FRMD3: variants seen among roughly 807,000 people sequenced by gnomAD.
FRMD3 encodes the protein FERM domain-containing protein 3.
In FRMD3, 33 loss-of-function variants were observed where a neutral mutation model predicts 70.2. That is an observed-to-expected ratio of 0.47 (90% confidence interval 0.36 to 0.63). The LOEUF (loss-of-function observed/expected upper bound fraction) is 0.63, where lower values mean the gene tolerates loss of function less well. FRMD3 is among the 20% of genes least tolerant of loss of function. The pLI, the probability that FRMD3 is intolerant of heterozygous loss-of-function variation, is 0.00. For missense variants in FRMD3, 632 were observed against 711.4 expected (o/e 0.89, Z 1.27); for synonymous variants, 279 against 255.9 (o/e 1.09, Z -0.86).
intron 5 of FRMD3, among the ~76,000 whole-genome samples, chr9:83,336,668 C>A (rs1823590564): frequency 6.8e-6 from 1 of 148,098 alleles, no homozygotes; most frequent in Admixed American, 6.8e-5. Context: ...AAAATAAAAT[C>A]CTAAGCCCCC....
At chr9:83,307,602 A>C (rs1835181051) in intron 10 of FRMD3, among the ~76,000 whole-genome samples, 1 of 152,244 alleles carries the variant, frequency 6.6e-6, no homozygotes, top group Non-Finnish European at 1.5e-5. Flanking sequence ...ATAATAGGTA[A>C]ATCCATAAAA....
At chr9:83,505,232 T>C (rs1829155758) in intron 1 of FRMD3, among the ~76,000 whole-genome samples, 1 of 152,180 alleles carries the variant, frequency 6.6e-6, no homozygotes, top group Non-Finnish European at 1.5e-5. Context: ...TCTTGTAAAA[T>C]ACAATATAAA....
intron 1 of FRMD3, among the ~76,000 whole-genome samples, chr9:83,428,395 T>C (rs979507389): frequency 2.0e-5 from 3 of 151,296 alleles, no homozygotes; most frequent in Non-Finnish European, 4.4e-5. Flanking sequence ...AAAAAGTATG[T>C]TTATAGTAGC....
intron 1 of FRMD3, among the ~76,000 whole-genome samples, chr9:83,498,939 A>G (rs1006966628): frequency 6.6e-6 from 1 of 152,194 alleles, no homozygotes; most frequent in African/African-American, 2.4e-5. Context: ...CCATATGATA[A>G]TAGCTCTTCA....
At chr9:83,453,854 T>C (rs977810459) in intron 1 of FRMD3, among the ~76,000 whole-genome samples, 2 of 151,766 alleles carry the variant, frequency 1.3e-5, no homozygotes, top group Non-Finnish European at 2.9e-5. Context: ...TAGCTGGGAC[T>C]ACAGGCGTCT....
At chr9:83,349,454 C>T (rs1824071883) in intron 4 of FRMD3, among the ~76,000 whole-genome samples, 1 of 152,136 alleles carries the variant, frequency 6.6e-6, no homozygotes, top group Non-Finnish European at 1.5e-5. Context: ...CCATCATAGC[C>T]AGTGCTTTTT....
chr9:83,267,637 T>C (rs1833330749), intron 13 of FRMD3, among the ~76,000 whole-genome samples: 1 of 152,184 alleles, frequency 6.6e-6, no homozygotes, highest in South Asian at 2.1e-4. Flanking sequence ...GCAAAATAAA[T>C]GTATTACAAT....
intron 1 of FRMD3, among the ~76,000 whole-genome samples, chr9:83,411,654 C>T (rs1298184457): frequency 2.6e-5 from 4 of 152,094 alleles, no homozygotes; most frequent in Non-Finnish European, 5.9e-5. Context: ...GCTACAAACC[C>T]GAGTCTCTTC....
At chr9:83,274,197 G>A (rs1833716299) in intron 13 of FRMD3, among the ~76,000 whole-genome samples, 2 of 152,226 alleles carry the variant, frequency 1.3e-5, no homozygotes, top group Admixed American at 6.5e-5. Context: ...GTTCTCAGTG[G>A]AAGCAAATTA....
At chr9:83,374,230 G>A (rs556164815) in intron 2 of FRMD3, among the ~76,000 whole-genome samples, 5 of 151,816 alleles carry the variant, frequency 3.3e-5, no homozygotes, top group Non-Finnish European at 7.4e-5. Context: ...TATTCTTCTC[G>A]GTGAGCACTC....
intron 1 of FRMD3, among the ~76,000 whole-genome samples, chr9:83,489,013 T>TGTGTGTGTGTGTGC (rs1217450240): frequency 1.4e-5 from 2 of 143,258 alleles, no homozygotes; most frequent in South Asian, 4.5e-4. Flanking sequence ...TGTGTGTGTG[T>TGTGTGTGTGTGTGC]GTGCTTGTGT....
chr9:83,304,103 T>C (rs920054467), intron 10 of FRMD3, among the ~76,000 whole-genome samples: 1 of 152,232 alleles, frequency 6.6e-6, no homozygotes, highest in African/African-American at 2.4e-5. Flanking sequence ...TATACCATTG[T>C]ATGGATATAC....
chr9:83,332,537 C>A (rs1353298599), intron 6 of FRMD3, among the ~76,000 whole-genome samples: 1 of 152,044 alleles, frequency 6.6e-6, no homozygotes, highest in Non-Finnish European at 1.5e-5. Context: ...AGAATGGTGA[C>A]TTTTTTTCCT....
chr9:83,289,373 A>C (rs1327900423), intron 13 of FRMD3, among the ~76,000 whole-genome samples: 1 of 152,226 alleles, frequency 6.6e-6, no homozygotes, highest in African/African-American at 2.4e-5. Context: ...CCAGTTGAAG[A>C]CAAGTAGTGT....
the FRMD3 span, among the ~76,000 whole-genome samples, chr9:83,544,764 A>T: frequency 6.6e-6 from 1 of 152,124 alleles, no homozygotes; most frequent in African/African-American, 2.4e-5. Context: ...AACCATACTA[A>T]CGTTATCTAT....
At chr9:83,482,756 A>C (rs901007037) in intron 1 of FRMD3, among the ~76,000 whole-genome samples, 2 of 152,186 alleles carry the variant, frequency 1.3e-5, no homozygotes, top group African/African-American at 4.8e-5. Flanking sequence ...GAAGAGAAGA[A>C]ATAAAGGTGC....
At chr9:83,477,725 T>C (rs1828434134) in intron 1 of FRMD3, among the ~76,000 whole-genome samples, 1 of 152,144 alleles carries the variant, frequency 6.6e-6, no homozygotes, top group Non-Finnish European at 1.5e-5. Flanking sequence ...ACCTCCTCCA[T>C]GACTCACTTA....
the FRMD3 span, among the ~76,000 whole-genome samples, chr9:83,559,455 T>G: frequency 6.6e-6 from 1 of 152,246 alleles, no homozygotes; most frequent in South Asian, 2.1e-4. Flanking sequence ...TCAAAAAATG[T>G]GTGCAGCTTG....
chr9:83,360,446 T>C (rs541363380), intron 3 of FRMD3, among the ~76,000 whole-genome samples: 6 of 152,322 alleles, frequency 3.9e-5, no homozygotes, highest in African/African-American at 1.4e-4. Flanking sequence ...AGTACTCACA[T>C]ACCGAGCATG....
Sources: allele counts gnomAD v4.1 joint callset (sites outside exome capture counted in the v4.1 genomes callset), GRCh38; gene constraint gnomAD v4.1.1; transcripts MANE v1.5; gene names NCBI Gene and HGNC (gene_info 2026-07-23, HGNC 2026-07-21).